JHY: variants seen among roughly 807,000 people sequenced by gnomAD.
JHY encodes the protein junctional cadherin complex regulator.
Under a neutral mutation model 78.0 loss-of-function variants are expected in JHY, and 69 were observed. The observed-to-expected ratio is 0.88, with a 90% confidence interval of 0.73 to 1.08. The LOEUF (loss-of-function observed/expected upper bound fraction) is 1.08, where lower values mean the gene tolerates loss of function less well. Ranked by LOEUF, JHY falls within the 50% of genes least tolerant of loss-of-function variation. The pLI is 0.00. For synonymous variants in JHY, 368 were observed against 342.6 expected, an observed-to-expected ratio of 1.07 and a Z score of -0.82; for missense variants, 944 against 927.8, an observed-to-expected ratio of 1.02 and a Z score of -0.23.
intron 8 of JHY, 133 bp downstream of exon 8, chr11:122,957,624 G>A (rs1864220798): frequency 1.1e-6 from 1 of 928,698 alleles, no homozygotes; most frequent in East Asian, 4.1e-5. Context: ...TAAACTCCTG[G>A]GCTCAAGCTA....
rs750747110 is a variant in JHY at position 122,883,562 on chromosome 11, G to A, written c.-90+590G>A. 7.9e-5 allele frequency among the ~76,000 whole-genome samples: 12 copies of A among 151,898 alleles called. No individual in the cohort carries two copies. The highest frequency in any genetic ancestry group is 1.5e-4 in the Non-Finnish European group (10 of 67,976). ...TTCAGGAGACTAGTCACCTCTCTTG[G>A]TCAGAAATTTCAGCGGCACAACCTT... On this transcript the variant is annotated intron_variant, in intron 1 of 8. Coordinates refer to ENST00000227349, the MANE Select transcript of JHY (RefSeq NM_024806.4). The surrounding 1 kb of genome is among the most constrained non-coding windows in gnomAD (Gnocchi z 4.4).
chr11:122,950,191 G>A (rs1864059400), intron 6 of JHY, among the ~76,000 whole-genome samples: 1 of 152,010 alleles, frequency 6.6e-6, no homozygotes, highest in Non-Finnish European at 1.5e-5. Flanking sequence ...ATCATTACAT[G>A]GTAGTTAGGC....
rs760353999 is a variant in JHY at position 122,885,884 on chromosome 11, T to G, written c.35T>G (p.Ile12Ser). Residue 12 changes from isoleucine (I) to serine (S), a missense_variant, in exon 2 of 9, where the codon ATT (isoleucine) becomes AGT (serine). Ile to Ser is a moderately radical substitution (Grantham distance 142). Coordinates refer to ENST00000227349, the MANE Select transcript of JHY (RefSeq NM_024806.4). ...SKRKLIPKLSIQSPVLHTNLN... is the reference protein window; with the variant it reads ...SKRKLIPKLSSQSPVLHTNLN... Reference sequence around the variant, plus strand: ...CGTAAACTAATTCCCAAGCTCTCTATTCAATCTCCTGTCCTTCATACCAAC... The same window carrying G: ...CGTAAACTAATTCCCAAGCTCTCTAGTCAATCTCCTGTCCTTCATACCAAC... 13 of 1,613,546 alleles carry G rather than the reference T, an allele frequency of 8.1e-6. No homozygotes were observed. The Admixed American group carries it at 8.3e-5, about 10-fold the overall frequency.
intron 2 of JHY, among the ~76,000 whole-genome samples, chr11:122,890,045 C>G (rs1385525506): frequency 8.5e-6 from 1 of 118,340 alleles, no homozygotes; most frequent in East Asian, 2.0e-4. Flanking sequence ...CCACTCCCGG[C>G]CCCAGTTTCT....
At chr11:122,909,178 T>A (rs181527472) in intron 3 of JHY, among the ~76,000 whole-genome samples, 413 of 152,348 alleles carry the variant, frequency 2.7e-3, no homozygotes, top group Non-Finnish European at 5.0e-3. Context: ...CGGGATTCCA[T>A]TTTTCAACTA....
intron 3 of JHY, among the ~76,000 whole-genome samples, chr11:122,909,071 TA>T (rs1863055741): frequency 6.6e-6 from 1 of 152,176 alleles, no homozygotes. Context: ...TCCTTGTTAA[TA>T]AAAGTTAACA....
intron 5 of JHY, among the ~76,000 whole-genome samples, chr11:122,939,995 C>T (rs1309051644): frequency 6.7e-6 from 1 of 149,470 alleles, no homozygotes; most frequent in East Asian, 2.0e-4. Context: ...ATCCAGTATT[C>T]AGTGTTCATA....
intron 4 of JHY, among the ~76,000 whole-genome samples, chr11:122,928,881 C>T (rs954723398): frequency 2.0e-5 from 3 of 152,054 alleles, no homozygotes; most frequent in African/African-American, 4.8e-5. Flanking sequence ...ATCTCCTGAC[C>T]TCGTGATCCG....
chr11:122,961,045 TA>T lies in JHY; in HGVS notation c.*1603del. The T allele has an allele frequency of 1.9e-6, 2 of 1,057,932 alleles. No individual in the cohort carries two copies. The highest frequency in any genetic ancestry group is 2.9e-6 in the Non-Finnish European group (2 of 687,988). 65.5% of individuals were successfully genotyped at this position (1,057,932 alleles called of 1,614,324 possible). ...ACAATTGCCAAGTGCATTTGGGACC[TA>T]AAGCTGTTGGCAAAGAAGACTCATG... is the stretch of plus-strand genomic sequence containing the variant. On this transcript the variant is annotated 3_prime_UTR_variant, in exon 9 of 9. Coordinates refer to ENST00000227349, the MANE Select transcript of JHY (RefSeq NM_024806.4).
rs930557739 is a variant in JHY at position 122,900,083 on chromosome 11, T to G, written c.345-3842T>G. Among the ~76,000 whole-genome samples the G allele has an allele frequency of 3.3e-5, 5 of 152,346 alleles. No individual in the cohort carries two copies. In the South Asian group the frequency reaches 1.0e-3, roughly 32 times the overall value. On this transcript the variant is annotated intron_variant, in intron 2 of 8. Transcript: ENST00000227349. ...GCAGCGAGGTTTTAGGCATCCCATT[T>G]TCTAACAAATGTAGACCATTCCCAT...
At chr11:122,943,454 A>AT in intron 5 of JHY, among the ~76,000 whole-genome samples, 1 of 152,268 alleles carries the variant, frequency 6.6e-6, no homozygotes, top group Admixed American at 6.5e-5. Flanking sequence ...CTTACATTCT[A>AT]TGTACGAGTA....
intron 6 of JHY, among the ~76,000 whole-genome samples, chr11:122,953,341 C>T (rs961884699): frequency 6.6e-6 from 1 of 151,710 alleles, no homozygotes; most frequent in African/African-American, 2.4e-5. Context: ...AGTGGCTCAC[C>T]CCTGTAATCC....
rs781020742 is a variant in JHY, at chr11:122,954,800, A to AATAAATAG, written c.1930-1690_1930-1683dup. Among the ~76,000 whole-genome samples the AATAAATAG allele has an allele frequency of 7.7e-3, 948 of 123,842 alleles. 8 individuals are homozygous for AATAAATAG. The highest frequency in any genetic ancestry group is 9.2e-3 in the Non-Finnish European group (543 of 58,754). 81.2% of individuals were successfully genotyped at this position (123,842 alleles called of 152,430 possible). A position where few individuals can be genotyped will look rare whatever the true frequency, so the allele number is the denominator to read the frequency against. ...AGTCTCATAACCTGGCCTCAAACTA[A>AATAAATAG]ATAAATAGATAAAATTTTTAAAATT... On this transcript the variant is annotated intron_variant, in intron 6 of 8. Transcript: ENST00000227349.
At chr11:122,953,343 CTGT>C (rs1864131450) in intron 6 of JHY, among the ~76,000 whole-genome samples, 1 of 152,094 alleles carries the variant, frequency 6.6e-6, no homozygotes, top group Non-Finnish European at 1.5e-5. Context: ...TGGCTCACCC[CTGT>C]AATCCCAGCA....
Position 122,960,041 on chromosome 11 carries a change from C to T in JHY, c.*596C>T, listed in dbSNP as rs1465890711. Among the ~76,000 whole-genome samples the T allele has an allele frequency of 6.6e-6, 1 of 152,148 alleles. No homozygotes were observed. Among genetic ancestry groups the T allele is most frequent in the African/African-American group, 2.4e-5 (1 of 41,426 alleles). ...TTGAGGCCAGGAGTTTGAGACCAGC[C>T]TGGGCAACATGGTGAAACCCCATCT... On this transcript the variant is annotated 3_prime_UTR_variant, in exon 9 of 9. Coordinates refer to ENST00000227349, the MANE Select transcript of JHY (RefSeq NM_024806.4).
chr11:122,890,568 C>T (rs1862591926), intron 2 of JHY, among the ~76,000 whole-genome samples: 1 of 152,146 alleles, frequency 6.6e-6, no homozygotes, highest in South Asian at 2.1e-4. Flanking sequence ...AGGTAAGGAT[C>T]CATGAAGTGA....
intron 2 of JHY, among the ~76,000 whole-genome samples, chr11:122,892,083 G>A (rs1301066118): frequency 1.3e-5 from 2 of 152,282 alleles, no homozygotes; most frequent in African/African-American, 2.4e-5. Flanking sequence ...GGAGGTCATA[G>A]TAGCCATTAT....
At chr11:122,928,367 C>G (rs1402564642) in intron 4 of JHY, among the ~76,000 whole-genome samples, 2 of 151,942 alleles carry the variant, frequency 1.3e-5, no homozygotes, top group Non-Finnish European at 2.9e-5. Flanking sequence ...GAAAATGGAC[C>G]TCATTTGAAA....
rs563071171 is a variant in JHY at position 122,917,259 on chromosome 11, C to G, written c.865-7638C>G. Among the ~76,000 whole-genome samples, 81 of 152,250 alleles carry G rather than the reference C, an allele frequency of 5.3e-4. 1 individual carries two copies. Among genetic ancestry groups the G allele is most frequent in the Non-Finnish European group, 8.2e-4 (56 of 68,012 alleles). The stretch of plus-strand genomic sequence containing the variant: ...GCAGCCGTAAGCATTTAGCTATGGC[C>G]TCAGGATATCTTCAAGACTAGAAAA... On this transcript the variant is annotated intron_variant, in intron 3 of 8. Coordinates refer to ENST00000227349, the MANE Select transcript of JHY (RefSeq NM_024806.4). The surrounding 1 kb of genome is among the most constrained non-coding windows in gnomAD (Gnocchi z 4.1).
Sources: allele counts gnomAD v4.1 joint callset (sites outside exome capture counted in the v4.1 genomes callset), GRCh38; gene constraint gnomAD v4.1.1; non-coding constraint Gnocchi (gnomAD v3.1); transcripts MANE v1.5; gene names NCBI Gene and HGNC (gene_info 2026-07-23, HGNC 2026-07-21).